Variants in NAV3 observed in about 807,000 individuals in gnomAD.
NAV3 encodes the protein neuron navigator 3, also known as pore membrane and/or filament interacting like protein 1.
Under a neutral mutation model 244.7 loss-of-function variants are expected in NAV3, and 87 were observed. The observed-to-expected ratio is 0.36, with a 90% CI of 0.30 to 0.42. The LOEUF (loss-of-function observed/expected upper bound fraction) is 0.42, where lower values mean the gene tolerates loss of function less well. NAV3 is among the 20% of genes least tolerant of loss of function. The probability of loss-of-function intolerance (pLI) is 1.00; values close to 1 mark genes in which losing one functional copy is unlikely to be tolerated. For missense variants in NAV3, 2,663 were observed against 2,893.3 expected (o/e 0.92, Z 1.83); for synonymous variants, 1,126 against 1,042.2 (o/e 1.08, Z -1.55).
chr12:78,087,902 A>T (rs1013235697), intron 12 of NAV3, among the ~76,000 whole-genome samples: 1 of 151,880 alleles, frequency 6.6e-6, no homozygotes, highest in Admixed American at 6.6e-5. Flanking sequence ...ATTAATATGA[A>T]CTATTATGTT....
At chr12:77,654,677 C>T (rs544848906) in intron 2 of NAV3, among the ~76,000 whole-genome samples, 3 of 152,274 alleles carry the variant, frequency 2.0e-5, no homozygotes, top group African/African-American at 4.8e-5. Context: ...GACCCCTGAC[C>T]CCTGAGCAGC....
intron 6 of NAV3, among the ~76,000 whole-genome samples, chr12:77,996,245 T>G (rs1234197873): frequency 6.6e-6 from 1 of 152,184 alleles, no homozygotes; most frequent in Non-Finnish European, 1.5e-5. Flanking sequence ...CTCAGATTTA[T>G]TATGATTAGG....
chr12:77,752,496 A>G (rs545617908), intron 2 of NAV3, among the ~76,000 whole-genome samples: 39 of 152,230 alleles, frequency 2.6e-4, no homozygotes, highest in African/African-American at 8.9e-4. Flanking sequence ...AAAATCACTC[A>G]GTTTAATGGA....
At chr12:78,132,474 A>C (rs1356085424) in intron 18 of NAV3, among the ~76,000 whole-genome samples, 3 of 152,114 alleles carry the variant, frequency 2.0e-5, no homozygotes, top group African/African-American at 4.8e-5. Flanking sequence ...GATTCTCTTC[A>C]TACTTTTCCA....
chr12:78,065,114 G>A (rs1884852784), intron 12 of NAV3, among the ~76,000 whole-genome samples: 1 of 152,066 alleles, frequency 6.6e-6, no homozygotes, highest in South Asian at 2.1e-4. Flanking sequence ...TCCTGTAACT[G>A]TCCTAGTTCC....
intron 2 of NAV3, among the ~76,000 whole-genome samples, chr12:77,720,978 C>CA (rs1227214229): frequency 3.9e-5 from 6 of 152,108 alleles, no homozygotes; most frequent in Non-Finnish European, 8.8e-5. Flanking sequence ...GATATAAGCT[C>CA]AGCAGTGTGG....
intron 2 of NAV3, among the ~76,000 whole-genome samples, chr12:77,784,490 T>C (rs1432752859): frequency 4.6e-5 from 7 of 152,180 alleles, no homozygotes; most frequent in Non-Finnish European, 7.3e-5. Flanking sequence ...AATAAGTTCA[T>C]TGAAGTGGCA....
intron 2 of NAV3, among the ~76,000 whole-genome samples, chr12:77,812,245 AC>A (rs200703877): frequency 1.3e-5 from 2 of 152,006 alleles, no homozygotes; most frequent in African/African-American, 4.8e-5. Context: ...CATTTAGAAA[AC>A]CCCCTCTGAT....
chr12:77,720,900 C>T (rs1399409538), intron 2 of NAV3, among the ~76,000 whole-genome samples: 1 of 152,074 alleles, frequency 6.6e-6, no homozygotes, highest in Non-Finnish European at 1.5e-5. Context: ...ATCACTTCTG[C>T]CTATGATTCT....
At chr12:77,647,849 A>G (rs985494293) in intron 2 of NAV3, among the ~76,000 whole-genome samples, 1 of 152,110 alleles carries the variant, frequency 6.6e-6, no homozygotes, top group South Asian at 2.1e-4. Context: ...CAGATCTACC[A>G]TTCCTATAAC....
At chr12:77,886,166 G>C (rs529523049) in intron 1 of NAV3, among the ~76,000 whole-genome samples, 1 of 152,182 alleles carries the variant, frequency 6.6e-6, no homozygotes, top group African/African-American at 2.4e-5. Context: ...GCACCCATAT[G>C]AATGCTCTCT....
chr12:78,002,557 A>T (rs984924040), intron 7 of NAV3, among the ~76,000 whole-genome samples: 4 of 152,202 alleles, frequency 2.6e-5, no homozygotes, highest in Non-Finnish European at 5.9e-5. Flanking sequence ...TGGGCAGCTT[A>T]TTCAGCTAAA....
intron 2 of NAV3, among the ~76,000 whole-genome samples, chr12:77,705,901 T>G (rs981764259): frequency 2.0e-5 from 3 of 151,558 alleles, no homozygotes; most frequent in Non-Finnish European, 4.4e-5. Context: ...GTATCTTATT[T>G]CTGATTGCAA....
At chr12:78,190,507 A>G (rs1435704968) in intron 34 of NAV3, among the ~76,000 whole-genome samples, 1 of 152,050 alleles carries the variant, frequency 6.6e-6, no homozygotes, top group Non-Finnish European at 1.5e-5. Context: ...TCCACCTAGA[A>G]ACTGTTACAG....
At chr12:77,648,649 C>A (rs1287531877) in intron 2 of NAV3, among the ~76,000 whole-genome samples, 2 of 152,070 alleles carry the variant, frequency 1.3e-5, no homozygotes, top group Non-Finnish European at 2.9e-5. Context: ...CCAGTGGGTC[C>A]TCTAATATCT....
intron 8 of NAV3, among the ~76,000 whole-genome samples, chr12:78,008,049 A>G (rs1874545422): frequency 6.6e-6 from 1 of 152,210 alleles, no homozygotes; most frequent in Admixed American, 6.5e-5. Flanking sequence ...TGCATATAAC[A>G]TGTTTACTGT....
At chr12:77,962,702 A>G (rs553401215) in intron 3 of NAV3, among the ~76,000 whole-genome samples, 7 of 152,258 alleles carry the variant, frequency 4.6e-5, no homozygotes, top group South Asian at 4.1e-4. Flanking sequence ...AGTGTTTTAC[A>G]TATTGTGGAT....
In NAV3 at chr12:78,210,674, G is replaced by A. The variant is rs575244307; in HGVS notation, c.*157G>A. On this transcript the variant is annotated 3_prime_UTR_variant, in exon 40 of 40. Transcript: ENST00000397909. ...GAGGCAGCAGAACTAAGTCTGAACCGCCAAGATGCTAAATTGCAATGGAAG... is the reference window on the plus strand; with the variant it reads ...GAGGCAGCAGAACTAAGTCTGAACCACCAAGATGCTAAATTGCAATGGAAG... 1.8e-5 allele frequency: 14 copies of A among 757,788 alleles called. No individual in the cohort carries two copies. In the East Asian group the frequency reaches 2.0e-4, roughly 11 times the overall value. The allele number at this position is 757,788 out of a possible 1,614,324, so 46.9% of individuals were successfully genotyped here. A position where few individuals can be genotyped will look rare whatever the true frequency, so the allele number is the denominator to read the frequency against.
intron 2 of NAV3, among the ~76,000 whole-genome samples, chr12:77,664,632 G>A (rs1463569282): frequency 6.6e-6 from 1 of 152,086 alleles, no homozygotes; most frequent in African/African-American, 2.4e-5. Context: ...CATGAATTCT[G>A]TTGAACTTCA....
Sources: allele counts gnomAD v4.1 joint callset (sites outside exome capture counted in the v4.1 genomes callset), GRCh38; gene constraint gnomAD v4.1.1; transcripts MANE v1.5; gene names NCBI Gene and HGNC (gene_info 2026-07-23, HGNC 2026-07-21).